ZIC3: variants seen among roughly 807,000 people sequenced by gnomAD.
The protein encoded by ZIC3 is Zic family zinc finger 3.
ZIC3 carries 6 observed loss-of-function variants against 18.3 expected under a neutral mutation model. The observed-to-expected ratio is 0.33, with a 90% CI of 0.18 to 0.65. The LOEUF is 0.65. Among genes scored for constraint, ZIC3 ranks in the 30% least tolerant of loss-of-function variants. The pLI is 0.75. For missense variants in ZIC3, 260 were observed against 410.0 expected (o/e 0.63, Z 3.16); for synonymous variants, 175 against 177.0 (o/e 0.99, Z 0.09).
downstream of ZIC3, chrX:137,574,004 C>A (rs1037125251): frequency 1.8e-5 from 2 of 113,386 alleles, no homozygotes; most frequent in African/African-American, 3.2e-5. Context: ...GTCGCCCGGG[C>A]TCCGAGGACG....
At chrX:137,575,633 C>A (rs988681830), downstream of ZIC3, among the ~76,000 whole-genome samples, 1 of 111,643 alleles carries the variant, frequency 9.0e-6, no homozygotes, top group African/African-American at 3.3e-5. Flanking sequence ...TCGTGGAGAC[C>A]AACGGCCAAA....
exon 3 of ZIC3, chrX:137,577,349 C>A (rs763778842): frequency 2.6e-6 from 1 of 384,852 alleles, no homozygotes; most frequent in Non-Finnish European, 4.6e-6. Context: ...TAGCTTCTTC[C>A]CTAGGTATAA....
At position 137,570,019 on chromosome X, in the gene ZIC3, C is replaced by T; in HGVS notation, c.1353C>T (p.Ser451=). The T allele has an allele frequency of 6.6e-6, 8 of 1,212,012 alleles. No homozygotes were observed. The highest frequency in any genetic ancestry group is 8.9e-6 in the Non-Finnish European group (8 of 895,570). Residue 451 remains serine (S), a synonymous_variant, in exon 3 of 3, where the codon AGC becomes AGT. Transcript: ENST00000287538. ...AAACCCCTTCTGCAGTTCAAACTAG[C>T]ACCAGCCACAACCCTGGACTTCCTC... ...TTKTPSAVQT[S]TSHNPGLPPN...
At chrX:137,568,759 C>A in intron 1 of ZIC3, 143 bp from the exon 2 acceptor site, 1 of 537,176 alleles carries the variant, frequency 1.9e-6, no homozygotes, top group Admixed American at 2.6e-5. Context: ...CATTTCTCTC[C>A]AGGGAAAATA....
chrX:137,568,682 C>A, intron 1 of ZIC3: 1 of 126,943 alleles, frequency 7.9e-6, no homozygotes. Context: ...TTTGGGCCGG[C>A]CCCGCCCCAC....
chrX:137,574,942 G>A (rs1473792900), downstream of ZIC3, among the ~76,000 whole-genome samples: 3 of 112,295 alleles, frequency 2.7e-5, no homozygotes, highest in Admixed American at 9.4e-5. Flanking sequence ...GTTCTTCCTG[G>A]GCATTCTCCT....
Position 137,566,941 on chromosome X carries a change from G to C in ZIC3, c.250G>C (p.Ala84Pro). Residue 84 changes from alanine to proline, a missense_variant, in exon 1 of 3, where the codon GCC becomes CCC. Around this residue, in one of 4 missense-constraint regions of ZIC3, gnomAD observed 183 missense variants for 223.8 expected, o/e 0.82. Coordinates refer to ENST00000287538, the MANE Select transcript of ZIC3 (RefSeq NM_003413.4). ...FTPQGSGYAN[A>P]LGHHHHHHHH... ...GCCGCAGGGTTCGGGCTACGCCAAC[G>C]CCCTGGGCCACCATCACCACCACCA... is the stretch of plus-strand genomic sequence containing the variant. The C allele has an allele frequency of 8.6e-7, 1 of 1,166,665 alleles. No individual in the cohort carries two copies. The highest frequency in any genetic ancestry group is 1.1e-6 in the Non-Finnish European group (1 of 873,076).
rs748325646 is a variant in ZIC3 at position 137,566,825 on chromosome X, ACGCCGCCGCCGC to A, written c.150_161del (p.Ala52_Ala55del). Reference sequence around the variant, plus strand: ...CTGAATCCCTTCGGGGACTCAACCCACGCCGCCGCCGCCGCCGCCGCCGCCGCTGCCTTCAAG... The same window carrying A: ...CTGAATCCCTTCGGGGACTCAACCCACGCCGCCGCCGCCGCTGCCTTCAAG... On this transcript the variant is annotated inframe_deletion, in exon 1 of 3. Transcript: ENST00000287538. 6.8e-5 allele frequency: 79 copies of A among 1,160,626 alleles called. No individual in the cohort carries two copies. The highest frequency in any genetic ancestry group is 2.4e-4 in the Middle Eastern group (1 of 4,177).
downstream of ZIC3, among the ~76,000 whole-genome samples, chrX:137,576,589 G>A (rs1286840746): frequency 8.9e-6 from 1 of 112,356 alleles, no homozygotes; most frequent in Non-Finnish European, 1.9e-5. Context: ...CATAACCATT[G>A]AAATTTACAG....
Position 137,566,799 on chromosome X carries a change from G to A in ZIC3, c.108G>A (p.Gly36=). 2 of 1,176,150 alleles carry A rather than the reference G, an allele frequency of 1.7e-6. No individual in the cohort carries two copies. Among genetic ancestry groups the A allele is most frequent in the Non-Finnish European group, 1.1e-6 (1 of 879,774 alleles). The change falls in exon 1 of 3, where the codon GGG becomes GGA. Residue 36 remains glycine, a synonymous_variant. Transcript: ENST00000287538. The part of the protein sequence containing the change: ...EMPNREPAGM[G]LNPFGDSTHA... Reference sequence around the variant, plus strand: ...CCAACCGTGAGCCGGCAGGCATGGGGCTGAATCCCTTCGGGGACTCAACCC... The same window carrying A: ...CCAACCGTGAGCCGGCAGGCATGGGACTGAATCCCTTCGGGGACTCAACCC...
rs1282949452 is a variant in ZIC3 at position 137,566,728 on chromosome X, G to A, written c.37G>A (p.Gly13Arg). 8.4e-7 allele frequency: 1 copy of A among 1,196,785 alleles called. No homozygotes were observed. The highest frequency in any genetic ancestry group is 1.7e-5 in the African/African-American group (1 of 57,804). Residue 13 changes from glycine (G) to arginine (R), a missense_variant, in exon 1 of 3, where the codon GGG (glycine) becomes AGG (arginine). Transcript: ENST00000287538. ...MLLDGGPQFPGLGVGSFGAPR... is the reference protein window; with the variant it reads ...MLLDGGPQFPRLGVGSFGAPR... ...CCTGGACGGAGGCCCGCAGTTCCCTGGGCTGGGAGTGGGCAGCTTCGGCGC... is the reference window on the plus strand; with the variant it reads ...CCTGGACGGAGGCCCGCAGTTCCCTAGGCTGGGAGTGGGCAGCTTCGGCGC...
rs1310887538 is a variant in ZIC3, at chrX:137,566,903, G to A, written c.212G>A (p.Ser71Asn). 2 of 1,165,270 alleles carry A rather than the reference G, an allele frequency of 1.7e-6. No homozygotes were observed. Among genetic ancestry groups the A allele is most frequent in the African/African-American group, 1.8e-5 (1 of 56,612 alleles). Residue 71 changes from serine to asparagine, a missense_variant, in exon 1 of 3, where the codon AGC becomes AAC. Coordinates refer to ENST00000287538, the MANE Select transcript of ZIC3 (RefSeq NM_003413.4). ...GCGCACGATCTATCTTCAGGCCAGA[G>A]CTCGGCTTTCACGCCGCAGGGTTCG... ...AAAHDLSSGQ[S>N]SAFTPQGSGY...
Position 137,570,525 on chromosome X carries a change from C to G in ZIC3, c.*455C>G, listed in dbSNP as rs1025876044. On this transcript the variant is annotated 3_prime_UTR_variant, in exon 3 of 3. Transcript: ENST00000287538. ...TCCTGTTATGTCTTGAACTTTTCCT[C>G]AAAGCATTACACTTGTGAATGTATT... 6.9e-6 allele frequency: 1 copy of G among 144,102 alleles called. No homozygotes were observed. Among genetic ancestry groups the G allele is most frequent in the Non-Finnish European group, 1.4e-5 (1 of 73,029 alleles). 11.9% of individuals were successfully genotyped at this position (144,102 alleles called of 1,213,427 possible). A position where few individuals can be genotyped will look rare whatever the true frequency, so the allele number is the denominator to read the frequency against.
At chrX:137,573,508 TCC>T (rs994730261), downstream of ZIC3, among the ~76,000 whole-genome samples, 45 of 111,761 alleles carry the variant, frequency 4.0e-4, no homozygotes, top group African/African-American at 1.4e-3. Flanking sequence ...TCCTCGCTCC[TCC>T]CCCTTCTCCC....
At position 137,567,402 on chromosome X, in the gene ZIC3, C is replaced by A; in HGVS notation, c.711C>A (p.Gly237=). The change falls in exon 1 of 3, where the codon GGC becomes GGA. Residue 237 remains glycine, a synonymous_variant. Transcript: ENST00000287538. ...ACGTGGCGGCCCACCACGGGCCCGG[C>A]GCCTTCTTCCGTTATATGCGGCAGC... ...GVNVAAHHGP[G]AFFRYMRQPI... 17 of 1,211,475 alleles carry A rather than the reference C, an allele frequency of 1.4e-5. No homozygotes were observed. Among genetic ancestry groups the A allele is most frequent in the Non-Finnish European group, 1.9e-5 (17 of 895,582 alleles).
chrX:137,573,510 C>CCCCTTCT (rs1027487959), downstream of ZIC3, among the ~76,000 whole-genome samples: 68 of 112,020 alleles, frequency 6.1e-4, no homozygotes, highest in African/African-American at 1.9e-3. Flanking sequence ...CTCGCTCCTC[C>CCCCTTCT]CCCTTCTCCC....
Position 137,570,128 on chromosome X carries a change from C to T in ZIC3, c.*58C>T. On this transcript the variant is annotated 3_prime_UTR_variant, in exon 3 of 3. Transcript: ENST00000287538. ...GACCAAATACATTTTTAAAAGAAAA[C>T]TGAGACCAATCAGATGGAAATGGAG... 2 of 1,160,636 alleles carry T rather than the reference C, an allele frequency of 1.7e-6. No homozygotes were observed. Among genetic ancestry groups the T allele is most frequent in the Non-Finnish European group, 2.4e-6 (2 of 848,977 alleles).
Position 137,566,676 on chromosome X carries a change from C to T in ZIC3, c.-16C>T. The T allele has an allele frequency of 8.3e-7, 1 of 1,199,716 alleles. No individual in the cohort carries two copies. The highest frequency in any genetic ancestry group is 1.7e-5 in the African/African-American group (1 of 57,775). On this transcript the variant is annotated 5_prime_UTR_variant, in exon 1 of 3. Transcript: ENST00000287538. ...CTCACTTCGGCCGGATCGCCTGTGC[C>T]CAGAACGTCCCACCCATGACGATGC... is the stretch of plus-strand genomic sequence containing the variant.
At position 137,568,987 on chromosome X, in the gene ZIC3, T is replaced by C. The variant is rs768036826; in HGVS notation, c.1146T>C (p.His382=). Residue 382 remains histidine, a synonymous_variant, in exon 2 of 3, where the codon CAT becomes CAC. Transcript: ENST00000287538. ...SSDRKKHMHV[H]TSDKPYICKV... The stretch of plus-strand genomic sequence containing the variant: ...ACCGTAAGAAGCACATGCATGTGCA[T>C]ACCTCGGACAAGCCCTATATCTGCA... 5 of 1,211,199 alleles carry C rather than the reference T, an allele frequency of 4.1e-6. No individual in the cohort carries two copies. In the Admixed American group the frequency reaches 1.1e-4, roughly 26 times the overall value.
Sources: gnomAD v4.1 joint callset for allele counts (sites outside exome capture counted in the v4.1 genomes callset) on GRCh38, gnomAD v4.1.1 for gene constraint, gnomAD v4.1.1 regional missense constraint, MANE v1.5 for transcripts, NCBI Gene and HGNC (gene_info 2026-07-23, HGNC 2026-07-21) for gene names.